Variants in JPH2 observed in about 807,000 individuals in gnomAD.
JPH2 encodes the protein junctophilin 2, also known as junctophilin-2.
Under a neutral mutation model 55.9 loss-of-function variants are expected in JPH2, and 38 were observed. The observed-to-expected ratio is 0.68, with a 90% CI of 0.52 to 0.89. The LOEUF (loss-of-function observed/expected upper bound fraction) is 0.89, where lower values mean the gene tolerates loss of function less well. Ranked by LOEUF, JPH2 falls within the 40% of genes least tolerant of loss-of-function variation. The pLI is 0.00. For missense variants in JPH2, 964 were observed against 1,037.6 expected (o/e 0.93, Z 0.97); for synonymous variants, 480 against 472.4 (o/e 1.02, Z -0.21).
rs746668155 is a variant in JPH2 at position 44,159,645 on chromosome 20, C to A, written c.1142G>T (p.Arg381Leu). ...EGAQRAAAIA[R>L]QKAEIAASRT... ...GGAGGCGGCAATCTCGGCCTTCTGG[C>A]GCGCGATAGCAGCGGCGCGCTGGGC... Residue 381 changes from arginine to leucine, a missense_variant, in exon 2 of 6, where the codon CGC becomes CTC. Physicochemically the swap from Arg to Leu is moderately radical, Grantham distance 102. Coordinates refer to ENST00000372980, the MANE Select transcript of JPH2 (RefSeq NM_020433.5). The surrounding 1 kb of genome is among the most constrained non-coding windows in gnomAD (Gnocchi z 5.7). The A allele has an allele frequency of 4.4e-6, 7 of 1,606,048 alleles. No individual in the cohort carries two copies. The Admixed American group carries it at 1.2e-4, about 27-fold the overall frequency.
intron 1 of JPH2, among the ~76,000 whole-genome samples, chr20:44,167,084 G>A (rs757999956): frequency 4.0e-4 from 61 of 152,210 alleles, no homozygotes; most frequent in Admixed American, 1.5e-3. Context: ...TCTATTGACA[G>A]TTCTAGCTTT....
intron 1 of JPH2, among the ~76,000 whole-genome samples, chr20:44,174,633 G>C (rs921335703): frequency 6.6e-6 from 1 of 152,116 alleles, no homozygotes; most frequent in Non-Finnish European, 1.5e-5. Context: ...AATTAGCCAG[G>C]TGTGGTGGCG....
At position 44,108,580 on chromosome 20, in the gene JPH2, G is replaced by A. The variant is rs1418336772; in HGVS notation, c.*4938C>T. The stretch of plus-strand genomic sequence containing the variant: ...AATAGCTTTAAAAGGTCACTAAGAA[G>A]TGACTGTATACCATTGCACTCCAGC... On this transcript the variant is annotated 3_prime_UTR_variant, in exon 6 of 6. Coordinates refer to ENST00000372980, the MANE Select transcript of JPH2 (RefSeq NM_020433.5). Among the ~76,000 whole-genome samples, 1 of 150,386 alleles carries A rather than the reference G, an allele frequency of 6.6e-6. No homozygotes were observed. The highest frequency in any genetic ancestry group is 2.5e-5 in the African/African-American group (1 of 40,566).
chr20:44,177,871 A>G, intron 1 of JPH2: 2 of 1,610,472 alleles, frequency 1.2e-6, no homozygotes, highest in Non-Finnish European at 1.7e-6. Flanking sequence ...AAATACGGGA[A>G]TATATATTTT....
chr20:44,168,695 A>G (rs1421278640), intron 1 of JPH2, among the ~76,000 whole-genome samples: 2 of 152,246 alleles, frequency 1.3e-5, no homozygotes, highest in Non-Finnish European at 2.9e-5. Context: ...CTCTAAGAAT[A>G]TGAGAACTTC....
chr20:44,113,810 A>G (rs2072164988), intron 5 of JPH2, among the ~76,000 whole-genome samples: 1 of 152,116 alleles, frequency 6.6e-6, no homozygotes, highest in Admixed American at 6.5e-5. Flanking sequence ...CCTTCAGGTC[A>G]TTAAAGGAAT....
rs2072125640 is a variant in JPH2, at chr20:44,109,215, C to T, written c.*4303G>A. Among the ~76,000 whole-genome samples, 1 of 152,198 alleles carries T rather than the reference C, an allele frequency of 6.6e-6. No homozygotes were observed. The highest frequency in any genetic ancestry group is 1.5e-5 in the Non-Finnish European group (1 of 68,036). ...TCTGTGATACCTTGAACCAATCACT[C>T]CATCTCCCCAAGGCTCAATTTTCCT... On this transcript the variant is annotated 3_prime_UTR_variant, in exon 6 of 6. Transcript: ENST00000372980.
chr20:44,134,657 A>AT lies in JPH2; in HGVS notation c.1170-16035_1170-16034insA, dbSNP rs1240268493. 4.5e-3 allele frequency among the ~76,000 whole-genome samples: 119 copies of AT among 26,472 alleles called. 15 individuals carry two copies. The highest frequency in any genetic ancestry group is 0.017 in the African/African-American group (111 of 6,398). The allele number at this position is 26,472 out of a possible 152,430, so 17.4% of individuals were successfully genotyped here. ...TATAAATATATAAATATTTATTATA[A>AT]ATATATATAAATATATATTTATAAA... On this transcript the variant is annotated intron_variant, in intron 2 of 5. Transcript: ENST00000372980.
intron 2 of JPH2, among the ~76,000 whole-genome samples, chr20:44,141,286 G>A (rs2072454775): frequency 6.6e-6 from 1 of 152,196 alleles, no homozygotes; most frequent in East Asian, 1.9e-4. Flanking sequence ...ATGGAGAGAA[G>A]CTGTTGCATT....
Position 44,186,956 on chromosome 20 carries a change from G to T in JPH2, c.-251C>A, listed in dbSNP as rs1288292418. On this transcript the variant is annotated 5_prime_UTR_variant, in exon 1 of 6. Transcript: ENST00000372980. The stretch of plus-strand genomic sequence containing the variant: ...CCAGAGCAAGGCTGCCTGCTGGAAA[G>T]AAAGCAGGAAGGAAAGGTTCAAAGT... 5.1e-6 allele frequency: 3 copies of T among 582,550 alleles called. No homozygotes were observed. The highest frequency in any genetic ancestry group is 3.7e-5 in the African/African-American group (2 of 53,578). 36.1% of individuals were successfully genotyped at this position (582,550 alleles called of 1,614,324 possible).
At chr20:44,134,901 TATATATATATA>T in intron 2 of JPH2, among the ~76,000 whole-genome samples, 1 of 76,068 alleles carries the variant, frequency 1.3e-5, no homozygotes, top group Non-Finnish European at 2.4e-5. Context: ...TATATATTTA[TATATATATATA>T]AAATATATAT....
rs543548560 is a variant in JPH2, at chr20:44,136,823, T to A, written c.1170-18200A>T. On this transcript the variant is annotated intron_variant, in intron 2 of 5. Coordinates refer to ENST00000372980, the MANE Select transcript of JPH2 (RefSeq NM_020433.5). ...AAATGGGTTACTAATAGCACTTAGC[T>A]ATACTAGTAGCTACTTCTTGTAAGG... Among the ~76,000 whole-genome samples, 4 of 152,318 alleles carry A rather than the reference T, an allele frequency of 2.6e-5. No homozygotes were observed. The South Asian group carries it at 8.3e-4, about 32-fold the overall frequency.
chr20:44,135,909 G>T (rs1404837659), intron 2 of JPH2, among the ~76,000 whole-genome samples: 2 of 152,146 alleles, frequency 1.3e-5, no homozygotes, highest in African/African-American at 4.8e-5. Flanking sequence ...ATATTGGAAG[G>T]GTTAGGTACT....
intron 5 of JPH2, among the ~76,000 whole-genome samples, 197 bp downstream of exon 5, chr20:44,114,585 T>C (rs1414784607): frequency 2.0e-5 from 3 of 150,550 alleles, no homozygotes; most frequent in Non-Finnish European, 4.4e-5. Flanking sequence ...TGTGTGTGTG[T>C]GTGTGTGTGT....
chr20:44,178,724 A>G (rs1304923395), intron 1 of JPH2, among the ~76,000 whole-genome samples: 4 of 152,258 alleles, frequency 2.6e-5, no homozygotes, highest in Non-Finnish European at 4.4e-5. Context: ...GCAAAGTTGA[A>G]GAATTTACTC....
At chr20:44,115,267 GT>G (rs1425144400) in intron 4 of JPH2, among the ~76,000 whole-genome samples, 1 of 152,018 alleles carries the variant, frequency 6.6e-6, no homozygotes, top group Admixed American at 6.5e-5. Context: ...CCCAAATCCT[GT>G]TGGGCCCTTC....
chr20:44,138,660 A>G (rs759985457), intron 2 of JPH2, among the ~76,000 whole-genome samples: 3 of 152,210 alleles, frequency 2.0e-5, no homozygotes, highest in African/African-American at 4.8e-5. Flanking sequence ...CTGGGATTAC[A>G]GGCATGAGCC....
intron 1 of JPH2, 129 bp downstream of exon 1, chr20:44,186,198 C>T: frequency 9.2e-7 from 1 of 1,090,852 alleles, no homozygotes; most frequent in Non-Finnish European, 1.3e-6. Flanking sequence ...TTGCCCAAAA[C>T]CACACAGCAA....
At chr20:44,162,183 A>G (rs116896328) in intron 1 of JPH2, among the ~76,000 whole-genome samples, 3,699 of 152,360 alleles carry the variant, frequency 0.024, 60 homozygotes, top group Non-Finnish European at 0.039. Flanking sequence ...AACAAAAACC[A>G]AAAGGTCTTC....
Sources: gnomAD v4.1 joint callset for allele counts (sites outside exome capture counted in the v4.1 genomes callset) on GRCh38, gnomAD v4.1.1 for gene constraint, Gnocchi (gnomAD v3.1) non-coding constraint, MANE v1.5 for transcripts, NCBI Gene and HGNC (gene_info 2026-07-23, HGNC 2026-07-21) for gene names.